EYS: variants seen among roughly 807,000 people sequenced by gnomAD.
The protein encoded by EYS is EGF-like photoreceptor maintenance factor.
EYS carries 250 observed loss-of-function variants against 282.1 expected under a neutral mutation model. The ratio of observed to expected loss-of-function variants is 0.89; its 90% CI spans 0.80 to 0.98. The LOEUF (loss-of-function observed/expected upper bound fraction) is 0.98, where lower values mean the gene tolerates loss of function less well. Among genes scored for constraint, EYS ranks in the 50% least tolerant of loss-of-function variants. The probability of loss-of-function intolerance (pLI) is 0.00; values close to 1 mark genes in which losing one functional copy is unlikely to be tolerated. For missense variants in EYS, 4,016 were observed against 3,709.0 expected (o/e 1.08, Z -2.15); for synonymous variants, 1,355 against 1,282.9 (o/e 1.06, Z -1.20).
intron 33 of EYS, among the ~76,000 whole-genome samples, chr6:64,014,562 A>T (rs905427158): frequency 2.0e-5 from 3 of 152,178 alleles, no homozygotes; most frequent in Non-Finnish European, 2.9e-5. Flanking sequence ...TATTAAAAAT[A>T]TGAAGAGAGA....
rs77940909 is a variant in EYS, at chr6:64,810,729, C to T, written c.3443+2649G>A. On this transcript the variant is annotated intron_variant, in intron 22 of 42. Transcript: ENST00000503581. ...AAAATAGTTTTCCTTGCAAGTAAGA[C>T]CTCAGGATAAATACCCTTAAGGTGC... 7.4e-3 allele frequency among the ~76,000 whole-genome samples: 1,132 copies of T among 152,056 alleles called. 8 individuals are homozygous for T. Among genetic ancestry groups the T allele is most frequent in the Non-Finnish European group, 0.01 (684 of 67,950 alleles).
intron 6 of EYS, 63 bp from the exon 7 acceptor site, chr6:65,402,668 G>C: frequency 1.8e-6 from 2 of 1,081,290 alleles, no homozygotes. Context: ...TAATGAATGG[G>C]TTCTTACCTG....
At chr6:64,849,921 A>G in intron 19 of EYS, among the ~76,000 whole-genome samples, 1 of 151,916 alleles carries the variant, frequency 6.6e-6, no homozygotes, top group East Asian at 1.9e-4. Flanking sequence ...CCTTTTTTAT[A>G]TAATAATTTA....
Position 63,721,755 on chromosome 6 carries a change from A to G in EYS, c.8276T>C (p.Leu2759Pro). The G allele has an allele frequency of 6.4e-7, 1 of 1,551,152 alleles. No homozygotes were observed. Among genetic ancestry groups the G allele is most frequent in the Non-Finnish European group, 8.7e-7 (1 of 1,146,570 alleles). Residue 2759 changes from leucine to proline, a missense_variant, in exon 43 of 43, where the codon CTT (leucine) becomes CCT (proline). By Grantham distance (98) the Leu-to-Pro change is moderately conservative. Transcript: ENST00000503581. ...AGTTCTGTCGCCAAGGTTGTAGCGAAGTTGAACGGAACTATTTACTAAAGA... is the reference window on the plus strand; with the variant it reads ...AGTTCTGTCGCCAAGGTTGTAGCGAGGTTGAACGGAACTATTTACTAAAGA... ...CISLVNSSVQ[L>P]RYNLGDRTII...
intron 29 of EYS, among the ~76,000 whole-genome samples, chr6:64,338,601 C>A (rs1050827220): frequency 1.3e-5 from 2 of 151,870 alleles, no homozygotes; most frequent in African/African-American, 4.8e-5. Context: ...CATCAAAATA[C>A]CACCATCACT....
intron 26 of EYS, among the ~76,000 whole-genome samples, chr6:64,505,897 A>G (rs1206683593): frequency 6.6e-6 from 1 of 152,304 alleles, no homozygotes; most frequent in Admixed American, 6.5e-5. Flanking sequence ...GGCATTGTTG[A>G]AGGCACCTCA....
chr6:65,531,280 A>G (rs985041108), intron 2 of EYS, among the ~76,000 whole-genome samples: 1 of 152,210 alleles, frequency 6.6e-6, no homozygotes, highest in Non-Finnish European at 1.5e-5. Flanking sequence ...TTTAAGAGGC[A>G]ATACCTATGT....
In EYS at chr6:64,033,739, G is replaced by T. The variant is rs571256170; in HGVS notation, c.6725+32599C>A. 5.9e-5 allele frequency among the ~76,000 whole-genome samples: 9 copies of T among 151,964 alleles called. No homozygotes were observed. The East Asian group carries it at 1.7e-3, about 29-fold the overall frequency. Reference sequence around the variant, plus strand: ...GAAAAATTAGAATTATTGTTTTCTAGAACTTCCCCATTCAAACTAGTTATG... The same window carrying T: ...GAAAAATTAGAATTATTGTTTTCTATAACTTCCCCATTCAAACTAGTTATG... On this transcript the variant is annotated intron_variant, in intron 33 of 42. Transcript: ENST00000503581.
At chr6:65,331,153 A>G (rs1334470048) in intron 11 of EYS, 3 of 891,192 alleles carry the variant, frequency 3.4e-6, no homozygotes, top group Non-Finnish European at 4.0e-6. Flanking sequence ...ATTCATAAAT[A>G]TATATAACAT....
chr6:63,757,409 A>G (rs1769517596), intron 41 of EYS, among the ~76,000 whole-genome samples: 1 of 152,088 alleles, frequency 6.6e-6, no homozygotes, highest in African/African-American at 2.4e-5. Flanking sequence ...TAAGATGTTT[A>G]TTAAGACAGT....
At position 65,697,606 on chromosome 6, in the gene EYS, T is replaced by C. The variant is rs567283545; in HGVS notation, c.-448+9529A>G. ...CATTCTTTTCAATCAAGCTTAAAAA[T>C]AGAAGAAAATAACAGTATGTTTTCA... On this transcript the variant is annotated intron_variant, in intron 1 of 42. Coordinates refer to ENST00000503581, the MANE Select transcript of EYS (RefSeq NM_001142800.2). Among the ~76,000 whole-genome samples, 4 of 152,166 alleles carry C rather than the reference T, an allele frequency of 2.6e-5. No homozygotes were observed. In the East Asian group the frequency reaches 5.8e-4, roughly 22 times the overall value.
chr6:63,871,788 C>T (rs1221955811), intron 35 of EYS, among the ~76,000 whole-genome samples: 1 of 152,132 alleles, frequency 6.6e-6, no homozygotes, highest in African/African-American at 2.4e-5. Context: ...GGATGTTAAG[C>T]TTTGTCAGTA....
intron 24 of EYS, among the ~76,000 whole-genome samples, chr6:64,607,252 A>G (rs1267317583): frequency 3.9e-5 from 6 of 151,988 alleles, no homozygotes; most frequent in Admixed American, 1.3e-4. Context: ...TCCATTTGTT[A>G]TCATGTAAGA....
intron 12 of EYS, among the ~76,000 whole-genome samples, chr6:65,140,784 A>G (rs1277165767): frequency 1.3e-5 from 2 of 151,866 alleles, no homozygotes; most frequent in Admixed American, 6.6e-5. Context: ...AATCAAAACC[A>G]CAATGAGATA....
intron 22 of EYS, among the ~76,000 whole-genome samples, chr6:64,741,822 G>A (rs1772381263): frequency 6.6e-6 from 1 of 152,168 alleles, no homozygotes; most frequent in South Asian, 2.1e-4. Flanking sequence ...GAGAGTCAGG[G>A]TCTTGCTCTG....
At chr6:64,516,743 T>C (rs776621967) in intron 26 of EYS, among the ~76,000 whole-genome samples, 5 of 151,850 alleles carry the variant, frequency 3.3e-5, no homozygotes, top group Admixed American at 6.6e-5. Flanking sequence ...AATGGTTTCA[T>C]AGATGTTTAG....
At chr6:64,220,082 A>T (rs1434104745) in intron 31 of EYS, among the ~76,000 whole-genome samples, 1 of 152,162 alleles carries the variant, frequency 6.6e-6, no homozygotes, top group Non-Finnish European at 1.5e-5. Flanking sequence ...CCTAATGTTA[A>T]ATGACAAATT....
At chr6:64,726,765 C>T (rs980526088) in intron 22 of EYS, among the ~76,000 whole-genome samples, 5 of 151,882 alleles carry the variant, frequency 3.3e-5, no homozygotes, top group East Asian at 1.9e-4. Flanking sequence ...AAAACATAGC[C>T]GAAAGCAGAT....
chr6:64,374,765 C>T (rs1429932791), intron 29 of EYS, among the ~76,000 whole-genome samples: 1 of 152,110 alleles, frequency 6.6e-6, no homozygotes, highest in Non-Finnish European at 1.5e-5. Context: ...AAATCTAGTA[C>T]CCTGAAGCTG....
Sources: allele counts gnomAD v4.1 joint callset (sites outside exome capture counted in the v4.1 genomes callset), GRCh38; gene constraint gnomAD v4.1.1; transcripts MANE v1.5; gene names NCBI Gene and HGNC (gene_info 2026-07-23, HGNC 2026-07-21).